Variants in PCDHGB6 observed in about 807,000 individuals in gnomAD.
PCDHGB6 encodes protocadherin gamma-B6.
In PCDHGB6, 51 loss-of-function variants were observed where a neutral mutation model predicts 59.1. The observed-to-expected ratio is 0.86, with a 90% CI of 0.69 to 1.09. The LOEUF (loss-of-function observed/expected upper bound fraction) is 1.09. Ranked by LOEUF, PCDHGB6 falls within the 50% of genes least tolerant of loss-of-function variation. PCDHGB6 has a pLI of 0.00. For synonymous variants in PCDHGB6, 466 were observed against 495.1 expected, an observed-to-expected ratio of 0.94 and a Z score of 0.78; for missense variants, 1,148 against 1,205.1, an observed-to-expected ratio of 0.95 and a Z score of 0.70.
Position 141,485,890 on chromosome 5 carries a change from C to G in PCDHGB6, c.2419-8917C>G. 4 of 1,614,156 alleles carry G rather than the reference C, an allele frequency of 2.5e-6. No individual in the cohort carries two copies. Among genetic ancestry groups the G allele is most frequent in the Non-Finnish European group, 2.5e-6 (3 of 1,180,022 alleles). The stretch of plus-strand genomic sequence containing the variant: ...CCGTGCTGGACGTAAACGACAACGC[C>G]CCAGCCTTCCAGCAATCCAGCTACA... On this transcript the variant is annotated intron_variant, in intron 1 of 3. Coordinates refer to ENST00000520790, the MANE Select transcript of PCDHGB6 (RefSeq NM_018926.3). The surrounding 1 kb of genome is among the most constrained non-coding windows in gnomAD (Gnocchi z 5.7).
rs1421124374 is a variant in PCDHGB6, at chr5:141,431,186, A to G, written c.2418+20566A>G. The G allele has an allele frequency of 1.9e-6, 3 of 1,614,110 alleles. No individual in the cohort carries two copies. ...TGAAAGTGAATTAGAAATAAAAATT[A>G]GTGAAAATGCAGCCACTGAGATGCG... On this transcript the variant is annotated intron_variant, in intron 1 of 3. Transcript: ENST00000520790. This position sits in a 1 kb window ranked among gnomAD's most constrained non-coding sequence, Gnocchi z 4.8.
At chr5:141,428,540 C>T (rs1561836755) in intron 1 of PCDHGB6, 6 of 268,146 alleles carry the variant, frequency 2.2e-5, no homozygotes, top group South Asian at 8.6e-5. Context: ...CTCACCATGA[C>T]ACCAGAAACA....
chr5:141,433,347 CCTA>C, intron 1 of PCDHGB6: 1 of 626,716 alleles, frequency 1.6e-6, no homozygotes, highest in South Asian at 2.0e-5. Flanking sequence ...GTGCAAGCCA[CCTA>C]CTGTCTGCCT....
intron 1 of PCDHGB6, chr5:141,430,760 A>C: frequency 1.3e-6 from 2 of 1,505,596 alleles, no homozygotes; most frequent in Non-Finnish European, 8.9e-7. Context: ...GAAGATAAGA[A>C]TGATTCCTGC....
rs2099183566 is a variant in PCDHGB6, at chr5:141,468,861, A to G, written c.2419-25946A>G. 3.9e-5 allele frequency among the ~76,000 whole-genome samples: 6 copies of G among 152,168 alleles called. No homozygotes were observed. In the South Asian group the frequency reaches 1.2e-3, roughly 32 times the overall value. On this transcript the variant is annotated intron_variant, in intron 1 of 3. Coordinates refer to ENST00000520790, the MANE Select transcript of PCDHGB6 (RefSeq NM_018926.3). ...AGCCTGGGCAACAGAGCGAGACTCCATCTCAAAAATAATAATAATAATAAT... is the reference window on the plus strand; with the variant it reads ...AGCCTGGGCAACAGAGCGAGACTCCGTCTCAAAAATAATAATAATAATAAT...
Position 141,490,102 on chromosome 5 carries a change from G to A in PCDHGB6, c.2419-4705G>A, listed in dbSNP as rs377649214. On this transcript the variant is annotated intron_variant, in intron 1 of 3. Coordinates refer to ENST00000520790, the MANE Select transcript of PCDHGB6 (RefSeq NM_018926.3). The surrounding 1 kb of genome is among the most constrained non-coding windows in gnomAD (Gnocchi z 5.4). ...TTCTTTTGGAGACCACACATCTGAG[G>A]CAGTGCGGAACCTCTTTGGCCTAGA... 4.3e-6 allele frequency: 7 copies of A among 1,614,144 alleles called. No homozygotes were observed. The African/African-American group carries it at 9.3e-5, about 22-fold the overall frequency.
chr5:141,463,438 CTTTTTTTTTTTT>C (rs71576115), intron 1 of PCDHGB6, among the ~76,000 whole-genome samples: 6 of 103,254 alleles, frequency 5.8e-5, no homozygotes, highest in Admixed American at 3.1e-4. Flanking sequence ...TTTCCTTCTC[CTTTTTTTTTTTT>C]TTTTTTTTTT....
Position 141,431,386 on chromosome 5 carries a change from C to A in PCDHGB6, c.2418+20766C>A. The stretch of plus-strand genomic sequence containing the variant: ...ACCGCGAAGAAAAGGCTGCTCACCA[C>A]CTGGTCCTTACGGCCTCCGACGGGG... On this transcript the variant is annotated intron_variant, in intron 1 of 3. Coordinates refer to ENST00000520790, the MANE Select transcript of PCDHGB6 (RefSeq NM_018926.3). The surrounding 1 kb of genome is among the most constrained non-coding windows in gnomAD (Gnocchi z 4.8). The A allele has an allele frequency of 6.2e-7, 1 of 1,613,924 alleles. No individual in the cohort carries two copies. Among genetic ancestry groups the A allele is most frequent in the Non-Finnish European group, 8.5e-7 (1 of 1,180,038 alleles).
At position 141,487,249 on chromosome 5, in the gene PCDHGB6, C is replaced by T. The variant is rs757148469; in HGVS notation, c.2419-7558C>T. ...AAGGAGAATCTCGTCTAACCCTCTACTTGGCTGTGTCCCTAGTGGCAATTT... is the reference window on the plus strand; with the variant it reads ...AAGGAGAATCTCGTCTAACCCTCTATTTGGCTGTGTCCCTAGTGGCAATTT... On this transcript the variant is annotated intron_variant, in intron 1 of 3. Coordinates refer to ENST00000520790, the MANE Select transcript of PCDHGB6 (RefSeq NM_018926.3). The surrounding 1 kb of genome is among the most constrained non-coding windows in gnomAD (Gnocchi z 5.0). 2.5e-6 allele frequency: 4 copies of T among 1,614,164 alleles called. No homozygotes were observed. In the South Asian group the frequency reaches 4.4e-5, roughly 18 times the overall value.
chr5:141,510,553 A>C (rs1471878583), intron 3 of PCDHGB6, among the ~76,000 whole-genome samples: 1 of 152,162 alleles, frequency 6.6e-6, no homozygotes, highest in African/African-American at 2.4e-5. Context: ...TGTTTTGAGC[A>C]CTTACATCTA....
rs146615755 is a variant in PCDHGB6 at position 141,486,022 on chromosome 5, T to C, written c.2419-8785T>C. The C allele has an allele frequency of 1.2e-6, 2 of 1,614,030 alleles. No homozygotes were observed. Among genetic ancestry groups the C allele is most frequent in the Non-Finnish European group, 1.7e-6 (2 of 1,180,036 alleles). Reference sequence around the variant, plus strand: ...GTAACGTCACCTTTTATTTCAGTGGTCATACCCCTGATCGTGTAAGAAACC... The same window carrying C: ...GTAACGTCACCTTTTATTTCAGTGGCCATACCCCTGATCGTGTAAGAAACC... On this transcript the variant is annotated intron_variant, in intron 1 of 3. Coordinates refer to ENST00000520790, the MANE Select transcript of PCDHGB6 (RefSeq NM_018926.3). The surrounding 1 kb of genome is among the most constrained non-coding windows in gnomAD (Gnocchi z 5.0).
At chr5:141,494,776 C>T in intron 1 of PCDHGB6, 31 bp from the exon 2 acceptor site, 1 of 1,614,100 alleles carries the variant, frequency 6.2e-7, no homozygotes, top group East Asian at 2.2e-5. Context: ...CTCACGGGTA[C>T]TCAGCCCCTT....
At chr5:141,448,893 C>G (rs957997508) in intron 1 of PCDHGB6, among the ~76,000 whole-genome samples, 2 of 151,948 alleles carry the variant, frequency 1.3e-5, no homozygotes, top group Non-Finnish European at 2.9e-5. Flanking sequence ...TGCAGTGAGC[C>G]GAGATCGTGC....
chr5:141,450,258 T>A (rs1267755848), intron 1 of PCDHGB6, among the ~76,000 whole-genome samples: 1 of 152,096 alleles, frequency 6.6e-6, no homozygotes, highest in Non-Finnish European at 1.5e-5. Context: ...CCTCAAGTGA[T>A]CTGCCCACCT....
intron 1 of PCDHGB6, chr5:141,413,818 G>T: frequency 6.2e-7 from 1 of 1,613,138 alleles, no homozygotes; most frequent in Non-Finnish European, 8.5e-7. Context: ...TCACCACCTG[G>T]TCCTCACCGC....
At chr5:141,496,402 G>T (rs551923899) in intron 2 of PCDHGB6, among the ~76,000 whole-genome samples, 183 of 152,248 alleles carry the variant, frequency 1.2e-3, no homozygotes, top group African/African-American at 4.0e-3. Flanking sequence ...CCTCCTCAAT[G>T]GTTGAGTACT....
In PCDHGB6 at chr5:141,431,827, TC is replaced by T. The variant is rs571306928; in HGVS notation, c.2418+21210del. 1.2e-3 allele frequency: 2,007 copies of T among 1,614,226 alleles called. No individual in the cohort carries two copies. The highest frequency in any genetic ancestry group is 1.5e-3 in the Non-Finnish European group (1,827 of 1,180,024). On this transcript the variant is annotated intron_variant, in intron 1 of 3. Coordinates refer to ENST00000520790, the MANE Select transcript of PCDHGB6 (RefSeq NM_018926.3). This position sits in a 1 kb window ranked among gnomAD's most constrained non-coding sequence, Gnocchi z 4.8. ...TCCTCACCTCTCTCGCCAGCTCGGT[TC>T]CCGAAAACTCTCCCAGAGGGACATT...
At chr5:141,474,965 A>G (rs1268347441) in intron 1 of PCDHGB6, among the ~76,000 whole-genome samples, 1 of 152,236 alleles carries the variant, frequency 6.6e-6, no homozygotes, top group Non-Finnish European at 1.5e-5. Context: ...TATCCTAATC[A>G]TTATAATTTT....
Position 141,476,698 on chromosome 5 carries a change from G to C in PCDHGB6, c.2419-18109G>C, listed in dbSNP as rs2075661. Reference sequence around the variant, plus strand: ...CGCGGGAGGACAGCACCAAGTACGCGGAGCTGGTGTTGGAGCGCGCCCTGG... The same window carrying C: ...CGCGGGAGGACAGCACCAAGTACGCCGAGCTGGTGTTGGAGCGCGCCCTGG... On this transcript the variant is annotated intron_variant, in intron 1 of 3. Transcript: ENST00000520790. The surrounding 1 kb of genome is among the most constrained non-coding windows in gnomAD (Gnocchi z 7.6). The C allele has an allele frequency of 0.2, 326,683 of 1,614,030 alleles. 35,085 individuals carry two copies. Among genetic ancestry groups the C allele is most frequent in the Admixed American group, 0.37 (22,021 of 59,992 alleles).
Sources: gnomAD v4.1 joint callset for allele counts (sites outside exome capture counted in the v4.1 genomes callset) on GRCh38, gnomAD v4.1.1 for gene constraint, Gnocchi (gnomAD v3.1) non-coding constraint, MANE v1.5 for transcripts, NCBI Gene and HGNC (gene_info 2026-07-23, HGNC 2026-07-21) for gene names.